ASB2: variants seen among roughly 807,000 people sequenced by gnomAD.
ASB2 encodes ankyrin repeat and SOCS box containing 2, also known as ankyrin repeat and SOCS box protein 2.
In ASB2, 58 loss-of-function variants were observed where a neutral mutation model predicts 62.4. That is an observed-to-expected ratio of 0.93 (90% CI 0.75 to 1.16). The LOEUF (loss-of-function observed/expected upper bound fraction) is 1.16. Ranked by LOEUF, ASB2 falls within the 50% of genes most tolerant of loss-of-function variation. The pLI is 0.00. For synonymous variants in ASB2, 386 were observed against 385.3 expected (o/e 1.00, Z -0.02); for missense variants, 928 against 887.9 (o/e 1.05, Z -0.57).
rs10873442 is a variant in ASB2, at chr14:93,939,525, G to T, written c.1200C>A (p.Ala400=). The T allele has an allele frequency of 6.2e-7, 1 of 1,604,296 alleles. No individual in the cohort carries two copies. Among genetic ancestry groups the T allele is most frequent in the African/African-American group, 1.3e-5 (1 of 74,520 alleles). Residue 400 remains alanine, a synonymous_variant, in exon 8 of 10, where the codon GCC becomes GCA. Transcript: ENST00000555019. The part of the protein sequence containing the change: ...SARFDVNTPL[A]PERARLYEDR... Reference sequence around the variant, plus strand: ...CTTCGTAGAGGCGCGCGCGCTCGGGGGCCAGCGGCGTGTTCACGTCGAAGC... The same window carrying T: ...CTTCGTAGAGGCGCGCGCGCTCGGGTGCCAGCGGCGTGTTCACGTCGAAGC...
intron 1 of ASB2, among the ~76,000 whole-genome samples, chr14:93,973,307 C>T (rs1278282605): frequency 6.6e-6 from 1 of 152,190 alleles, no homozygotes; most frequent in Non-Finnish European, 1.5e-5. Flanking sequence ...TGGTGAATCT[C>T]TCCCGAAGAG....
chr14:93,967,771 G>A (rs527492007), intron 1 of ASB2, among the ~76,000 whole-genome samples: 1 of 152,296 alleles, frequency 6.6e-6, no homozygotes, highest in Admixed American at 6.5e-5. Context: ...GACAAAAAGA[G>A]GTTAGTATTG....
rs184411725 is a variant in ASB2, at chr14:93,944,726, G to C, written c.1052+2623C>G. On this transcript the variant is annotated intron_variant, in intron 7 of 9. Transcript: ENST00000555019. ...TGGGGGACAGAGGGAAATGGGGCCCGGGGGTGGAGGTTGAATAACCAGGGA... is the reference window on the plus strand; with the variant it reads ...TGGGGGACAGAGGGAAATGGGGCCCCGGGGTGGAGGTTGAATAACCAGGGA... Among the ~76,000 whole-genome samples, 344 of 152,314 alleles carry C rather than the reference G, an allele frequency of 2.3e-3. 1 individual carries two copies. The highest frequency in any genetic ancestry group is 1.5e-3 in the Non-Finnish European group (103 of 68,028).
intron 9 of ASB2, among the ~76,000 whole-genome samples, chr14:93,936,830 C>T (rs1377884540): frequency 6.6e-6 from 1 of 152,122 alleles, no homozygotes; most frequent in Non-Finnish European, 1.5e-5. Flanking sequence ...AGGACTGTGC[C>T]CTCAGAGCCA....
intron 2 of ASB2, 50 bp downstream of exon 2, chr14:93,964,284 G>A (rs1324204058): frequency 2.0e-6 from 3 of 1,490,514 alleles, no homozygotes; most frequent in Non-Finnish European, 2.7e-6. Flanking sequence ...TCTACAGTCT[G>A]TGGATGTCCT....
In ASB2 at chr14:93,934,276, C is replaced by G. The variant is rs1378140452; in HGVS notation, c.*380G>C. ...TTCATCTTAGTCTTTGGAGAGAAAGCTCTGAAGTCAAGTGGTGAGTTTTCC... is the reference window on the plus strand; with the variant it reads ...TTCATCTTAGTCTTTGGAGAGAAAGGTCTGAAGTCAAGTGGTGAGTTTTCC... On this transcript the variant is annotated 3_prime_UTR_variant, in exon 10 of 10. Coordinates refer to ENST00000555019, the MANE Select transcript of ASB2 (RefSeq NM_001202429.2). 2.2e-6 allele frequency: 1 copy of G among 459,694 alleles called. No homozygotes were observed. Among genetic ancestry groups the G allele is most frequent in the African/African-American group, 2.0e-5 (1 of 49,992 alleles). 28.5% of individuals were successfully genotyped at this position (459,694 alleles called of 1,614,324 possible).
intron 8 of ASB2, among the ~76,000 whole-genome samples, 159 bp downstream of exon 8, chr14:93,938,949 T>C (rs911932764): frequency 4.6e-5 from 7 of 152,148 alleles, no homozygotes; most frequent in Non-Finnish European, 1.0e-4. Flanking sequence ...CTCTGCTGCC[T>C]CCAAAGCTGG....
rs147104529 is a variant in ASB2, at chr14:93,956,721, C to T, written c.311+45G>A. 4.7e-4 allele frequency: 761 copies of T among 1,610,228 alleles called. 3 individuals are homozygous for T. The African/African-American group carries it at 7.2e-3, about 15-fold the overall frequency. ...CCACCCTCCCTGCCATCCCAGTTAG[C>T]GGAGTGAACTTGGATGGTCCTGGGG... On this transcript the variant is annotated intron_variant, in intron 3 of 9. Coordinates refer to ENST00000555019, the MANE Select transcript of ASB2 (RefSeq NM_001202429.2).
chr14:93,934,933 T>C (rs1888220504), intron 9 of ASB2, 141 bp from the exon 10 acceptor site: 1 of 677,364 alleles, frequency 1.5e-6, no homozygotes, highest in Non-Finnish European at 2.6e-6. Context: ...GTCACCCCAG[T>C]CCCTGCCAAC....
At chr14:93,958,642 C>T (rs1328817274) in intron 2 of ASB2, among the ~76,000 whole-genome samples, 1 of 152,226 alleles carries the variant, frequency 6.6e-6, no homozygotes, top group Non-Finnish European at 1.5e-5. Context: ...GCCAAGGCCC[C>T]TCCTCAGCCC....
chr14:93,946,422 C>T (rs1322803342), intron 7 of ASB2, among the ~76,000 whole-genome samples: 2 of 152,230 alleles, frequency 1.3e-5, no homozygotes, highest in Non-Finnish European at 2.9e-5. Context: ...TGCTTAAAAA[C>T]TGGCTCAAGC....
intron 1 of ASB2, among the ~76,000 whole-genome samples, chr14:93,974,772 A>G (rs1306070050): frequency 6.6e-6 from 1 of 152,232 alleles, no homozygotes; most frequent in Non-Finnish European, 1.5e-5. Flanking sequence ...GATCACCTGT[A>G]ACTCATGGTA....
chr14:93,941,334 G>A (rs938165243), intron 7 of ASB2: 2 of 288,042 alleles, frequency 6.9e-6, no homozygotes, highest in Non-Finnish European at 1.4e-5. Context: ...GGGTGGGGCG[G>A]TGGGGGAAGG....
In ASB2 at chr14:93,947,697, A is replaced by G. The variant is rs533828041; in HGVS notation, c.881-177T>C. ...GCTACCCCCAGCTTCTTTCAACAAC[A>G]TCAAGACCTAGGGGCCTGGCCAGGC... is the stretch of plus-strand genomic sequence containing the variant. On this transcript the variant is annotated intron_variant, in intron 6 of 9. Coordinates refer to ENST00000555019, the MANE Select transcript of ASB2 (RefSeq NM_001202429.2). Among the ~76,000 whole-genome samples the G allele has an allele frequency of 3.3e-5, 5 of 152,184 alleles. No individual in the cohort carries two copies. In the South Asian group the frequency reaches 1.0e-3, roughly 32 times the overall value.
chr14:93,951,184 T>A lies in ASB2; in HGVS notation c.695A>T (p.Asn232Ile). The A allele has an allele frequency of 3.1e-6, 5 of 1,613,718 alleles. No individual in the cohort carries two copies. Among genetic ancestry groups the A allele is most frequent in the Non-Finnish European group, 4.2e-6 (5 of 1,179,898 alleles). Residue 232 changes from asparagine to isoleucine, a missense_variant, in exon 6 of 10, where the codon AAC becomes ATC. By Grantham distance (149) the Asn-to-Ile change is moderately radical. Coordinates refer to ENST00000555019, the MANE Select transcript of ASB2 (RefSeq NM_001202429.2). ...KILVQHNADT[N>I]HRCNRGWTAL... is the part of the protein sequence containing the mutation. Reference sequence around the variant, plus strand: ...GGTCCAGCCGCGGTTGCAGCGGTGGTTGGTGTCTGCATTGTGCTGCACCAG... The same window carrying A: ...GGTCCAGCCGCGGTTGCAGCGGTGGATGGTGTCTGCATTGTGCTGCACCAG...
Position 93,964,560 on chromosome 14 carries a change from G to C in ASB2, c.-21C>G. On this transcript the variant is annotated 5_prime_UTR_variant, in exon 2 of 10. Coordinates refer to ENST00000555019, the MANE Select transcript of ASB2 (RefSeq NM_001202429.2). ...GCCATCCTCCTCCACCTCTCACCCT[G>C]GCCTCCAGAACAGACACCCAGTGGG... The C allele has an allele frequency of 6.5e-7, 1 of 1,535,412 alleles. No homozygotes were observed. The highest frequency in any genetic ancestry group is 8.7e-7 in the Non-Finnish European group (1 of 1,146,444).
intron 3 of ASB2, among the ~76,000 whole-genome samples, chr14:93,955,798 C>T (rs1383476820): frequency 1.3e-5 from 2 of 152,138 alleles, no homozygotes; most frequent in Non-Finnish European, 1.5e-5. Context: ...GGTGTCAGGC[C>T]ATCAGAGTAG....
intron 7 of ASB2, chr14:93,943,810 T>C: frequency 2.6e-6 from 1 of 386,046 alleles, no homozygotes; most frequent in South Asian, 2.0e-5. Flanking sequence ...AATGGGGATA[T>C]TAACTTGCTT....
At chr14:93,938,233 C>CT (rs35127276) in intron 8 of ASB2, among the ~76,000 whole-genome samples, 842 of 67,358 alleles carry the variant, frequency 0.013, 23 homozygotes, top group Middle Eastern at 0.033. Context: ...TAAGTTCTGA[C>CT]TTTTTTTTTT....
Sources: gnomAD v4.1 joint callset for allele counts (sites outside exome capture counted in the v4.1 genomes callset) on GRCh38, gnomAD v4.1.1 for gene constraint, MANE v1.5 for transcripts, NCBI Gene and HGNC (gene_info 2026-07-23, HGNC 2026-07-21) for gene names.